Variants in ZNF385D observed in about 807,000 individuals in gnomAD.
ZNF385D encodes the protein zinc finger protein 385D, also known as zinc finger protein 659.
A neutral mutation model predicts 35.8 loss-of-function variants in ZNF385D; 15 were observed. The observed-to-expected ratio is 0.42, with a 90% confidence interval of 0.28 to 0.64. The LOEUF is 0.64. Among genes scored for constraint, ZNF385D ranks in the 30% least tolerant of loss-of-function variants. The pLI is 0.23. For synonymous variants in ZNF385D, 212 were observed against 186.8 expected, an observed-to-expected ratio of 1.13 and a Z score of -1.10; for missense variants, 474 against 494.6, an observed-to-expected ratio of 0.96 and a Z score of 0.39.
intron 3 of ZNF385D, among the ~76,000 whole-genome samples, chr3:22,033,715 T>A (rs2125487367): frequency 6.6e-6 from 1 of 152,238 alleles, no homozygotes; most frequent in East Asian, 1.9e-4. Context: ...GAACAATCTG[T>A]GATTGAGAAT....
chr3:21,537,703 G>C (rs2062069939), intron 3 of ZNF385D, among the ~76,000 whole-genome samples: 1 of 152,146 alleles, frequency 6.6e-6, no homozygotes, highest in Non-Finnish European at 1.5e-5. Flanking sequence ...AGGCCGAAAA[G>C]GAGTGAGTGA....
At chr3:22,367,817 TAAC>T (rs1696724431) in intron 2 of ZNF385D, among the ~76,000 whole-genome samples, 1 of 152,032 alleles carries the variant, frequency 6.6e-6, no homozygotes, top group Non-Finnish European at 1.5e-5. Context: ...ACATATAAGA[TAAC>T]AAAAAAAGTT....
At chr3:22,135,072 A>C (rs1381153629) in intron 3 of ZNF385D, among the ~76,000 whole-genome samples, 18 of 152,202 alleles carry the variant, frequency 1.2e-4, no homozygotes, top group Non-Finnish European at 2.9e-5. Flanking sequence ...GAAAACAGGA[A>C]AATCTCCAAA....
At chr3:22,096,139 T>C (rs13065477) in intron 3 of ZNF385D, among the ~76,000 whole-genome samples, 55,322 of 151,440 alleles carry the variant, frequency 0.37, 10,826 homozygotes, top group Non-Finnish European at 0.42. Flanking sequence ...TATATATACA[T>C]GTTTAATAAT....
At chr3:21,736,671 C>T (rs1419783715) in intron 1 of ZNF385D, among the ~76,000 whole-genome samples, 7 of 152,154 alleles carry the variant, frequency 4.6e-5, no homozygotes, top group African/African-American at 1.7e-4. Context: ...ACCAGACTAA[C>T]ATCCATATGG....
chr3:22,261,103 CCA>C (rs1700605959), intron 2 of ZNF385D, among the ~76,000 whole-genome samples: 1 of 145,214 alleles, frequency 6.9e-6, no homozygotes, highest in African/African-American at 2.8e-5. Context: ...ATCCATCCAT[CCA>C]TCCATCCATC....
intron 2 of ZNF385D, among the ~76,000 whole-genome samples, chr3:22,176,916 G>A (rs11917360): frequency 6.6e-6 from 1 of 152,138 alleles, no homozygotes; most frequent in African/African-American, 2.4e-5. Context: ...GATCAGATAT[G>A]TCTTAAATTT....
At chr3:22,146,513 T>G (rs1428795408) in intron 3 of ZNF385D, among the ~76,000 whole-genome samples, 3 of 152,184 alleles carry the variant, frequency 2.0e-5, no homozygotes, top group African/African-American at 7.2e-5. Context: ...CTATTAAATA[T>G]TATACCATGT....
At chr3:22,367,604 T>TC in intron 2 of ZNF385D, among the ~76,000 whole-genome samples, 1 of 151,912 alleles carries the variant, frequency 6.6e-6, no homozygotes, top group South Asian at 2.1e-4. Context: ...TAGATTTTTT[T>TC]TTTCAGAATG....
intron 5 of ZNF385D, 97 bp from the exon 6 acceptor site, chr3:21,425,767 A>T: frequency 8.6e-7 from 1 of 1,157,994 alleles, no homozygotes; most frequent in Non-Finnish European, 1.2e-6. Context: ...TAGCTAGTAT[A>T]TACCTTTAAG....
In ZNF385D at chr3:21,537,675, C is replaced by A. The variant is rs532204561; in HGVS notation, c.277-26652G>T. Among the ~76,000 whole-genome samples the A allele has an allele frequency of 9.2e-5, 14 of 152,186 alleles. No homozygotes were observed. In the East Asian group the frequency reaches 2.7e-3, roughly 29 times the overall value. On this transcript the variant is annotated intron_variant, in intron 3 of 7. Transcript: ENST00000281523. ...ATCAGTGCCTCACATAGTCTTGGAC[C>A]TGGCCAGGAGGCCAGTGAGGCCGAA...
intron 3 of ZNF385D, among the ~76,000 whole-genome samples, chr3:21,932,822 T>C (rs181539351): frequency 3.2e-4 from 48 of 152,290 alleles, no homozygotes; most frequent in Admixed American, 1.8e-3. Context: ...TTTACAAATA[T>C]GCTTGTTCGT....
intron 3 of ZNF385D, among the ~76,000 whole-genome samples, chr3:22,157,155 G>T (rs992476649): frequency 2.0e-5 from 3 of 152,052 alleles, no homozygotes; most frequent in Admixed American, 1.3e-4. Flanking sequence ...CTCAGGGACT[G>T]GCCCTACCTC....
chr3:21,445,443 T>C (rs914826088), intron 4 of ZNF385D, among the ~76,000 whole-genome samples: 1 of 152,180 alleles, frequency 6.6e-6, no homozygotes, highest in African/African-American at 2.4e-5. Context: ...TTTTTTTCTC[T>C]ACAAGGTAAA....
intron 3 of ZNF385D, among the ~76,000 whole-genome samples, chr3:21,912,306 C>T (rs759279343): frequency 1.3e-5 from 2 of 148,526 alleles, no homozygotes; most frequent in Non-Finnish European, 2.9e-5. Context: ...TGCAGTAGTT[C>T]TAATAAATTT....
intron 3 of ZNF385D, among the ~76,000 whole-genome samples, chr3:21,833,813 A>G (rs1245763134): frequency 1.3e-5 from 2 of 152,122 alleles, no homozygotes; most frequent in Admixed American, 6.5e-5. Flanking sequence ...GGAAAACACA[A>G]TCTATCTTCC....
chr3:21,730,161 T>C (rs755383092), intron 1 of ZNF385D, among the ~76,000 whole-genome samples: 14 of 152,120 alleles, frequency 9.2e-5, no homozygotes, highest in Non-Finnish European at 1.5e-4. Flanking sequence ...GCACAAGAAG[T>C]TGGAGTGAAA....
chr3:22,027,262 G>A (rs1032586355), intron 3 of ZNF385D, among the ~76,000 whole-genome samples: 2 of 152,176 alleles, frequency 1.3e-5, no homozygotes, highest in Non-Finnish European at 2.9e-5. Context: ...ATTTGGGTGT[G>A]CTACTCTGGC....
chr3:21,831,146 T>C (rs1694964585), intron 3 of ZNF385D, among the ~76,000 whole-genome samples: 1 of 152,168 alleles, frequency 6.6e-6, no homozygotes, highest in African/African-American at 2.4e-5. Context: ...CACAATTCAA[T>C]AATTTTGTAA....
Sources: allele counts gnomAD v4.1 joint callset (sites outside exome capture counted in the v4.1 genomes callset), GRCh38; gene constraint gnomAD v4.1.1; transcripts MANE v1.5; gene names NCBI Gene and HGNC (gene_info 2026-07-23, HGNC 2026-07-21).